The following HNRNPF variants were observed in gnomAD, a reference collection of about 807,000 sequenced individuals.
The protein encoded by HNRNPF is heterogeneous nuclear ribonucleoprotein F, also known as HnRNP F protein.
Under a neutral mutation model 26.0 loss-of-function variants are expected in HNRNPF, and 2 were observed. The observed-to-expected ratio is 0.08, with a 90% CI of 0.03 to 0.24. The LOEUF (loss-of-function observed/expected upper bound fraction) is 0.24. HNRNPF is among the 10% of genes least tolerant of loss of function. The pLI, the probability that HNRNPF is intolerant of heterozygous loss-of-function variation, is 1.00. For synonymous variants in HNRNPF, 234 were observed against 211.5 expected, an observed-to-expected ratio of 1.11 and a Z score of -0.92; for missense variants, 299 against 539.2, an observed-to-expected ratio of 0.55 and a Z score of 4.41.
Position 43,387,851 on chromosome 10 carries a change from CAA to C in HNRNPF, c.32_33del (p.Phe11CysfsTer14). MMLGPEGGEG[F>X]VVKLRGLPWS... ...CAGGGCAGGCCACGGAGCTTGACCA[CAA>C]AGCCTTCACCTCCCTCAGGGCCCAG... is the stretch of plus-strand genomic sequence containing the variant. On this transcript the variant is annotated frameshift_variant, in exon 4 of 4. Transcript: ENST00000682386. LOFTEE classifies it high-confidence loss of function. The surrounding 1 kb of genome is among the most constrained non-coding windows in gnomAD (Gnocchi z 6.0). 1 of 1,612,790 alleles carries C rather than the reference CAA, an allele frequency of 6.2e-7. No individual in the cohort carries two copies. The highest frequency in any genetic ancestry group is 8.5e-7 in the Non-Finnish European group (1 of 1,178,952).
chr10:43,392,129 CG>C (rs1230830468), intron 3 of HNRNPF, among the ~76,000 whole-genome samples: 5 of 152,182 alleles, frequency 3.3e-5, no homozygotes, highest in African/African-American at 1.2e-4. Context: ...CTAGGTTGAG[CG>C]CAGTGGCTCA....
chr10:43,395,366 T>G (rs930205378), intron 2 of HNRNPF, among the ~76,000 whole-genome samples: 1 of 152,150 alleles, frequency 6.6e-6, no homozygotes, highest in Non-Finnish European at 1.5e-5. Flanking sequence ...AGAACATACA[T>G]CATAATCACT....
intron 3 of HNRNPF, among the ~76,000 whole-genome samples, chr10:43,392,343 A>G (rs1448249976): frequency 6.6e-6 from 1 of 152,204 alleles, no homozygotes; most frequent in Non-Finnish European, 1.5e-5. Context: ...GATCGAGACC[A>G]TCCTGGCTAA....
intron 2 of HNRNPF, among the ~76,000 whole-genome samples, chr10:43,394,966 G>A (rs767948320): frequency 6.6e-6 from 1 of 152,062 alleles, no homozygotes; most frequent in African/African-American, 2.4e-5. Context: ...TATTACAGGC[G>A]TGCACCACCC....
chr10:43,404,985 G>A (rs548423004), intron 1 of HNRNPF, among the ~76,000 whole-genome samples: 10 of 152,268 alleles, frequency 6.6e-5, no homozygotes, highest in Middle Eastern at 3.4e-3. Context: ...AATATAACGG[G>A]GGATGGAGCC....
intron 3 of HNRNPF, among the ~76,000 whole-genome samples, chr10:43,394,353 T>G (rs1838374183): frequency 6.6e-6 from 1 of 152,230 alleles, no homozygotes; most frequent in African/African-American, 2.4e-5. Flanking sequence ...ACTTCCTCTC[T>G]GAAGGCAAGG....
chr10:43,396,519 C>T lies in HNRNPF; in HGVS notation c.-175G>A, dbSNP rs1838525580. The T allele has an allele frequency of 6.6e-6, 1 of 152,312 alleles. No individual in the cohort carries two copies. The highest frequency in any genetic ancestry group is 1.5e-5 in the Non-Finnish European group (1 of 68,156). 9.4% of individuals were successfully genotyped at this position (152,312 alleles called of 1,614,324 possible). On this transcript the variant is annotated 5_prime_UTR_variant, in exon 2 of 4. Transcript: ENST00000682386. ...CAAGCGCGGCTGGCAGCCAAGAGCC[C>T]CGAAATTCCACCGAAGCTCAACCAC...
intron 3 of HNRNPF, among the ~76,000 whole-genome samples, chr10:43,392,859 C>T (rs748119050): frequency 4.6e-5 from 7 of 152,162 alleles, no homozygotes; most frequent in South Asian, 2.1e-4. Flanking sequence ...GAAGCCTAGA[C>T]GGGTAGACAC....
At chr10:43,401,552 T>C (rs1439361716) in intron 1 of HNRNPF, among the ~76,000 whole-genome samples, 1 of 152,164 alleles carries the variant, frequency 6.6e-6, no homozygotes, top group Non-Finnish European at 1.5e-5. Context: ...TAAAATCTGT[T>C]CTTAACTGAG....
At chr10:43,390,847 G>A (rs939576205) in intron 3 of HNRNPF, among the ~76,000 whole-genome samples, 1 of 152,070 alleles carries the variant, frequency 6.6e-6, no homozygotes, top group Non-Finnish European at 1.5e-5. Context: ...TTTGTGTTGT[G>A]GAGGCAGGCC....
chr10:43,387,925 G>T lies in HNRNPF; in HGVS notation c.-41C>A. The T allele has an allele frequency of 6.7e-7, 1 of 1,496,778 alleles. No homozygotes were observed. Among genetic ancestry groups the T allele is most frequent in the Non-Finnish European group, 9.0e-7 (1 of 1,109,732 alleles). 92.7% of individuals were successfully genotyped at this position (1,496,778 alleles called of 1,614,324 possible). On this transcript the variant is annotated 5_prime_UTR_variant, in exon 4 of 4. Transcript: ENST00000682386. The surrounding 1 kb of genome is among the most constrained non-coding windows in gnomAD (Gnocchi z 6.0). ...TGGGTGTCAGGTGATCTTGGGTGTG[G>T]CTTTTTTGTGGCTGGAAAAAAAAAA...
At chr10:43,406,891 ATC>A (rs905393503) in intron 1 of HNRNPF, among the ~76,000 whole-genome samples, 2 of 152,084 alleles carry the variant, frequency 1.3e-5, no homozygotes, top group African/African-American at 4.8e-5. Context: ...GAATAAAGCA[ATC>A]TCTCTCTTAA....
chr10:43,400,485 G>A (rs545833912), intron 1 of HNRNPF, among the ~76,000 whole-genome samples: 7 of 152,298 alleles, frequency 4.6e-5, no homozygotes, highest in African/African-American at 1.4e-4. Context: ...TATATAGTAT[G>A]TGAGCAGATC....
intron 1 of HNRNPF, among the ~76,000 whole-genome samples, chr10:43,403,428 G>A (rs1213300700): frequency 6.6e-6 from 1 of 152,162 alleles, no homozygotes; most frequent in Non-Finnish European, 1.5e-5. Flanking sequence ...ACTTGGAATT[G>A]ATTTTTTCAT....
At chr10:43,405,216 G>A (rs1234189045) in intron 1 of HNRNPF, among the ~76,000 whole-genome samples, 1 of 152,144 alleles carries the variant, frequency 6.6e-6, no homozygotes, top group Non-Finnish European at 1.5e-5. Flanking sequence ...AATGAATCAT[G>A]TTTCCTTTTA....
In HNRNPF at chr10:43,403,022, T is replaced by C. The variant is rs1180354517; in HGVS notation, c.-247+6109A>G. 2.6e-5 allele frequency among the ~76,000 whole-genome samples: 4 copies of C among 152,238 alleles called. No homozygotes were observed. The East Asian group carries it at 7.7e-4, about 29-fold the overall frequency. ...ATACCTGGCTAATTAAAAATTCTGT[T>C]TTTGAAAAGATAGGGTCTTGCCATC... On this transcript the variant is annotated intron_variant, in intron 1 of 3. Coordinates refer to ENST00000682386, the MANE Select transcript of HNRNPF (RefSeq NM_001098204.2).
intron 1 of HNRNPF, among the ~76,000 whole-genome samples, chr10:43,403,018 C>G (rs1028982734): frequency 6.6e-6 from 1 of 151,886 alleles, no homozygotes; most frequent in African/African-American, 2.4e-5. Context: ...ATTAAAAATT[C>G]TGTTTTTGAA....
At chr10:43,397,937 G>C (rs1384624971) in intron 1 of HNRNPF, among the ~76,000 whole-genome samples, 1 of 152,242 alleles carries the variant, frequency 6.6e-6, no homozygotes, top group African/African-American at 2.4e-5. Context: ...GATGTGCTAT[G>C]AACTAGTAAT....
chr10:43,387,900 T>A lies in HNRNPF; in HGVS notation c.-16A>T. Reference sequence around the variant, plus strand: ...CCAGCATCATGGACACTTGTCAGGGTGGGTGTCAGGTGATCTTGGGTGTGG... The same window carrying A: ...CCAGCATCATGGACACTTGTCAGGGAGGGTGTCAGGTGATCTTGGGTGTGG... On this transcript the variant is annotated 5_prime_UTR_variant, in exon 4 of 4. Coordinates refer to ENST00000682386, the MANE Select transcript of HNRNPF (RefSeq NM_001098204.2). The surrounding 1 kb of genome is among the most constrained non-coding windows in gnomAD (Gnocchi z 6.0). 1 of 1,584,114 alleles carries A rather than the reference T, an allele frequency of 6.3e-7. No individual in the cohort carries two copies. The highest frequency in any genetic ancestry group is 8.6e-7 in the Non-Finnish European group (1 of 1,158,018).
Sources: gnomAD v4.1 joint callset for allele counts (sites outside exome capture counted in the v4.1 genomes callset) on GRCh38, gnomAD v4.1.1 for gene constraint, Gnocchi (gnomAD v3.1) non-coding constraint, MANE v1.5 for transcripts, NCBI Gene and HGNC (gene_info 2026-07-23, HGNC 2026-07-21) for gene names.